Variants in RAB37 observed in about 807,000 individuals in gnomAD.
RAB37 encodes the protein ras-related protein Rab-37.
A neutral mutation model predicts 33.1 loss-of-function variants in RAB37; 29 were observed. That is an observed-to-expected ratio of 0.88 (90% CI 0.65 to 1.20). The LOEUF is 1.20. Ranked by LOEUF, RAB37 falls within the 50% of genes most tolerant of loss-of-function variation. The pLI, the probability that RAB37 is intolerant of heterozygous loss-of-function variation, is 0.00. For synonymous variants in RAB37, 128 were observed against 119.5 expected (o/e 1.07, Z -0.47); for missense variants, 299 against 301.1 (o/e 0.99, Z 0.05).
intron 1 of RAB37, among the ~76,000 whole-genome samples, chr17:74,686,007 C>T (rs2032047130): frequency 6.6e-6 from 1 of 152,168 alleles, no homozygotes; most frequent in Non-Finnish European, 1.5e-5. Flanking sequence ...GAAAGCAAGC[C>T]AAGCTTTGCA....
At chr17:74,700,258 A>C (rs1326057642) in intron 1 of RAB37, among the ~76,000 whole-genome samples, 1 of 152,204 alleles carries the variant, frequency 6.6e-6, no homozygotes, top group Non-Finnish European at 1.5e-5. Context: ...GCCAGGGCTG[A>C]CAATGGCCTC....
upstream of RAB37, among the ~76,000 whole-genome samples, chr17:74,734,328 G>A (rs908612665): frequency 2.6e-5 from 4 of 152,138 alleles, no homozygotes; most frequent in African/African-American, 9.7e-5. Flanking sequence ...CTGGATTAAT[G>A]GCCTGCCCTA....
chr17:74,697,511 CAG>C (rs2032611047), intron 1 of RAB37, among the ~76,000 whole-genome samples: 1 of 152,176 alleles, frequency 6.6e-6, no homozygotes, highest in South Asian at 2.1e-4. Context: ...AACAAACTAA[CAG>C]AGAGTCAGGC....
In RAB37 at chr17:74,671,526, G is replaced by A. The variant is rs1214129606; in HGVS notation, c.-61G>A. 26 of 1,549,390 alleles carry A rather than the reference G, an allele frequency of 1.7e-5. No homozygotes were observed. Among genetic ancestry groups the A allele is most frequent in the Non-Finnish European group, 2.1e-5 (24 of 1,123,902 alleles). On this transcript the variant is annotated 5_prime_UTR_variant, in exon 1 of 8. Coordinates refer to the RAB37 transcript ENST00000340415. This position sits in a 1 kb window ranked among gnomAD's most constrained non-coding sequence, Gnocchi z 5.0. Reference sequence around the variant, plus strand: ...CCGCACCCAGCGGAGCTCGAACCGAGCTCCTGGAAGCGCTGACGCAGAGCG... The same window carrying A: ...CCGCACCCAGCGGAGCTCGAACCGAACTCCTGGAAGCGCTGACGCAGAGCG...
rs190301255 is a variant in RAB37, at chr17:74,717,406, G to T, written c.73-11850G>T. On this transcript the variant is annotated intron_variant, in intron 1 of 7. Coordinates refer to the RAB37 transcript ENST00000340415. ...AGTTTGTGTCTCTCGAATTTCATAC[G>T]TTGAAACTTAACCTTCAATGTGATG... Among the ~76,000 whole-genome samples, 160 of 152,260 alleles carry T rather than the reference G, an allele frequency of 1.1e-3. 1 individual carries two copies. Among genetic ancestry groups the T allele is most frequent in the African/African-American group, 3.5e-3 (146 of 41,564 alleles).
rs1230013351 is a variant in RAB37 at position 74,746,037 on chromosome 17, AC to A, written c.*632del. ...GCTGGCTATCTCTGGCCTTACTAAC[AC>A]CCCCCTGGAGGCATGCCCCTTTTCT... On this transcript the variant is annotated 3_prime_UTR_variant, in exon 9 of 9. Coordinates refer to ENST00000392613, the MANE Select transcript of RAB37 (RefSeq NM_001006638.3). This position sits in a 1 kb window ranked among gnomAD's most constrained non-coding sequence, Gnocchi z 5.2. The A allele has an allele frequency of 3.3e-5, 5 of 151,198 alleles. No individual in the cohort carries two copies. The highest frequency in any genetic ancestry group is 7.4e-5 in the Non-Finnish European group (5 of 67,924). The allele number at this position is 151,198 out of a possible 1,614,324, so 9.4% of individuals were successfully genotyped here. A position where few individuals can be genotyped will look rare whatever the true frequency, so the allele number is the denominator to read the frequency against.
Position 74,676,652 on chromosome 17 carries a change from G to A in RAB37, c.72+4994G>A, listed in dbSNP as rs1423781737. 6.6e-6 allele frequency among the ~76,000 whole-genome samples: 1 copy of A among 152,192 alleles called. No homozygotes were observed. The highest frequency in any genetic ancestry group is 1.5e-5 in the Non-Finnish European group (1 of 68,032). On this transcript the variant is annotated intron_variant, in intron 1 of 7. Coordinates refer to the RAB37 transcript ENST00000340415. This position sits in a 1 kb window ranked among gnomAD's most constrained non-coding sequence, Gnocchi z 4.1. ...TTTCCAAAGCGTAAAGAACTAGGCT[G>A]GTCATTGTCGAGAATATAGACGCAA... is the stretch of plus-strand genomic sequence containing the variant.
intron 1 of RAB37, chr17:74,705,251 C>T (rs923792032): frequency 2.3e-5 from 16 of 702,078 alleles, no homozygotes; most frequent in South Asian, 8.9e-5. Flanking sequence ...CTGAGGCAGC[C>T]ACATCAGATG....
chr17:74,695,311 GA>G, intron 1 of RAB37: 1 of 1,598,372 alleles, frequency 6.3e-7, no homozygotes, highest in Non-Finnish European at 8.5e-7. Flanking sequence ...TCACGGGGCA[GA>G]GGAGCCCTCG....
chr17:74,679,977 C>CAAA (rs11306402), intron 1 of RAB37, among the ~76,000 whole-genome samples: 2 of 107,252 alleles, frequency 1.9e-5, no homozygotes, highest in East Asian at 2.6e-4. Context: ...GGCTCTGTCT[C>CAAA]AAAAAAAAAA....
Position 74,678,690 on chromosome 17 carries a change from C to G in RAB37, c.72+7032C>G, listed in dbSNP as rs189496193. Among the ~76,000 whole-genome samples, 463 of 152,196 alleles carry G rather than the reference C, an allele frequency of 3.0e-3. 10 individuals carry two copies. The highest frequency in any genetic ancestry group is 0.021 in the Admixed American group (326 of 15,274). ...ACACACACAGACACACAGACACACA[C>G]ACACACACACACACACATGCCTGCA... On this transcript the variant is annotated intron_variant, in intron 1 of 7. Transcript: ENST00000340415.
chr17:74,740,828 G>T lies in RAB37; in HGVS notation c.154G>T (p.Gly52Trp). The change falls in exon 2 of 9, where the codon GGG (glycine) becomes TGG (tryptophan). Residue 52 changes from glycine to tryptophan, a missense_variant. Physicochemically the swap from Gly to Trp is radical, Grantham distance 184. Transcript: ENST00000392613. Reference protein sequence around the residue: ...KTCFLIQFKDGAFLSGTFIAT... With the variant: ...KTCFLIQFKDWAFLSGTFIAT... ...ATGTTTCCTGATCCAATTCAAAGAC[G>T]GGGCCTTCCTGTCCGGAACCTTCAT... 2.5e-6 allele frequency: 4 copies of T among 1,614,114 alleles called. No homozygotes were observed. Among genetic ancestry groups the T allele is most frequent in the Non-Finnish European group, 3.4e-6 (4 of 1,180,010 alleles).
At chr17:74,698,499 C>G in intron 1 of RAB37, 1 of 1,603,984 alleles carries the variant, frequency 6.2e-7, no homozygotes, top group Non-Finnish European at 8.5e-7. Context: ...CAATGGCAAG[C>G]GTCCCCTGCA....
At chr17:74,694,521 A>G (rs2032251555) in intron 1 of RAB37, 2 of 152,116 alleles carry the variant, frequency 1.3e-5, no homozygotes, top group African/African-American at 4.8e-5. Flanking sequence ...GTCCACTTCC[A>G]TCATCACTTT....
chr17:74,713,670 A>G (rs988731908), intron 1 of RAB37, among the ~76,000 whole-genome samples: 1 of 152,072 alleles, frequency 6.6e-6, no homozygotes, highest in Non-Finnish European at 1.5e-5. Context: ...CCAGAAGTTC[A>G]AGAGGATTGA....
chr17:74,700,374 G>A (rs1243786694), intron 1 of RAB37, among the ~76,000 whole-genome samples: 14 of 151,922 alleles, frequency 9.2e-5, no homozygotes, highest in Non-Finnish European at 2.1e-4. Flanking sequence ...TATTCCAGTT[G>A]CATTTTTCTC....
chr17:74,688,611 A>G (rs1364915810), intron 1 of RAB37, among the ~76,000 whole-genome samples: 1 of 151,890 alleles, frequency 6.6e-6, no homozygotes, highest in African/African-American at 2.4e-5. Flanking sequence ...AAACAGAAAG[A>G]CTATTGACCA....
chr17:74,686,864 A>G (rs918404763), intron 1 of RAB37, among the ~76,000 whole-genome samples: 29 of 152,262 alleles, frequency 1.9e-4, no homozygotes, highest in African/African-American at 7.0e-4. Flanking sequence ...AAATAAGTGC[A>G]CCGTCTGAAT....
intron 1 of RAB37, among the ~76,000 whole-genome samples, chr17:74,707,764 A>G (rs996858473): frequency 6.6e-6 from 1 of 152,152 alleles, no homozygotes. Context: ...TATCCTGCAC[A>G]TATTAAAAAG....
Sources: allele counts gnomAD v4.1 joint callset (sites outside exome capture counted in the v4.1 genomes callset), GRCh38; gene constraint gnomAD v4.1.1; non-coding constraint Gnocchi (gnomAD v3.1); transcripts MANE v1.5; gene names NCBI Gene and HGNC (gene_info 2026-07-23, HGNC 2026-07-21).